Variants in PCSK5 observed in about 807,000 individuals in gnomAD.
PCSK5 encodes prohormone convertase 5.
Under a neutral mutation model 233.2 loss-of-function variants are expected in PCSK5, and 129 were observed. The observed-to-expected ratio is 0.55, with a 90% confidence interval of 0.48 to 0.64. The LOEUF is 0.64. Ranked by LOEUF, PCSK5 falls within the 30% of genes least tolerant of loss-of-function variation. The pLI, the probability that PCSK5 is intolerant of heterozygous loss-of-function variation, is 0.00. For synonymous variants in PCSK5, 825 were observed against 879.2 expected, an observed-to-expected ratio of 0.94 and a Z score of 1.09; for missense variants, 2,076 against 2,430.1, an observed-to-expected ratio of 0.85 and a Z score of 3.06.
chr9:75,939,189 A>G (rs1824191390), intron 2 of PCSK5, among the ~76,000 whole-genome samples: 2 of 152,200 alleles, frequency 1.3e-5, no homozygotes, highest in South Asian at 4.1e-4. Context: ...GCCTTGAGTC[A>G]CACATATAAT....
At chr9:75,941,364 G>T (rs1384923017) in intron 2 of PCSK5, among the ~76,000 whole-genome samples, 1 of 151,976 alleles carries the variant, frequency 6.6e-6, no homozygotes, top group Non-Finnish European at 1.5e-5. Flanking sequence ...GTTTTCTTCG[G>T]GTACGTACCT....
chr9:76,173,257 T>C (rs1263983878), intron 13 of PCSK5, among the ~76,000 whole-genome samples: 2 of 152,136 alleles, frequency 1.3e-5, no homozygotes, highest in African/African-American at 4.8e-5. Context: ...TTGTTGGTGA[T>C]GGTAGGTGCT....
intron 24 of PCSK5, among the ~76,000 whole-genome samples, chr9:76,269,337 AGTG>A (rs1398592327): frequency 3.3e-5 from 5 of 152,214 alleles, no homozygotes; most frequent in African/African-American, 1.2e-4. Context: ...ATCCAATCTA[AGTG>A]TTCAGGGGAG....
At chr9:76,257,158 A>C (rs1827009275) in intron 24 of PCSK5, among the ~76,000 whole-genome samples, 1 of 152,148 alleles carries the variant, frequency 6.6e-6, no homozygotes, top group Admixed American at 6.5e-5. Context: ...GTCAACAGGG[A>C]GGCACTCAGT....
rs535676214 is a variant in PCSK5, at chr9:76,051,958, A to G, written c.633-15997A>G. Among the ~76,000 whole-genome samples the G allele has an allele frequency of 1.8e-4, 28 of 152,316 alleles. 1 individual carries two copies. Among genetic ancestry groups the G allele is most frequent in the African/African-American group, 6.7e-4 (28 of 41,566 alleles). ...CTAATAGACCCAATGCAGAAGGAAA[A>G]TCATCATGGCATAACTAGGGGCTGC... On this transcript the variant is annotated intron_variant, in intron 5 of 37. Transcript: ENST00000674117.
intron 2 of PCSK5, among the ~76,000 whole-genome samples, chr9:75,938,854 A>G (rs1824176623): frequency 6.6e-6 from 1 of 152,146 alleles, no homozygotes; most frequent in African/African-American, 2.4e-5. Context: ...TTTGTGTGCC[A>G]GAGTGGGGGT....
chr9:76,047,773 A>G (rs1829474902), intron 5 of PCSK5, among the ~76,000 whole-genome samples: 1 of 152,244 alleles, frequency 6.6e-6, no homozygotes, highest in Non-Finnish European at 1.5e-5. Context: ...TGTTATAAAC[A>G]TCGCAAATGG....
intron 3 of PCSK5, among the ~76,000 whole-genome samples, chr9:76,010,538 G>A (rs1318984933): frequency 6.6e-6 from 1 of 152,178 alleles, no homozygotes; most frequent in African/African-American, 2.4e-5. Context: ...GGAAAGGGCT[G>A]CATTTTTCTG....
chr9:76,221,602 C>T (rs895805068), intron 20 of PCSK5, among the ~76,000 whole-genome samples: 6 of 152,200 alleles, frequency 3.9e-5, no homozygotes, highest in Non-Finnish European at 8.8e-5. Flanking sequence ...ATTGCTACAT[C>T]ACTACTACAT....
intron 13 of PCSK5, among the ~76,000 whole-genome samples, chr9:76,174,432 A>C (rs536416953): frequency 1.3e-5 from 2 of 151,056 alleles, no homozygotes; most frequent in African/African-American, 4.9e-5. Flanking sequence ...TCAGCCCCCC[A>C]AGTAGCTGGG....
At position 76,235,991 on chromosome 9, in the gene PCSK5, T is replaced by C. The variant is rs1356830517; in HGVS notation, c.2866+2395T>C. On this transcript the variant is annotated intron_variant, in intron 22 of 37. Transcript: ENST00000674117. ...ACCTTCATAAGCCCCTCCTACCAAT[T>C]TGTAGAGATTGCATCCCTTGTTTAA... 1.3e-5 allele frequency among the ~76,000 whole-genome samples: 2 copies of C among 152,188 alleles called. 1 individual carries two copies. Among genetic ancestry groups the C allele is most frequent in the South Asian group, 4.1e-4 (2 of 4,834 alleles).
chr9:76,018,311 C>T (rs576984234), intron 3 of PCSK5, among the ~76,000 whole-genome samples: 1 of 152,266 alleles, frequency 6.6e-6, no homozygotes, highest in African/African-American at 2.4e-5. Flanking sequence ...CACATAAGGG[C>T]TGTTTTTTAA....
Position 76,105,640 on chromosome 9 carries a change from A to T in PCSK5, c.1108-1611A>T, listed in dbSNP as rs1831947098. Among the ~76,000 whole-genome samples, 3 of 152,234 alleles carry T rather than the reference A, an allele frequency of 2.0e-5. No individual in the cohort carries two copies. In the South Asian group the frequency reaches 6.2e-4, roughly 31 times the overall value. ...CTATTTACCCAAACATCCTGCAAGCATCACATGTCGAGGTTCAGTAGATGG... is the reference window on the plus strand; with the variant it reads ...CTATTTACCCAAACATCCTGCAAGCTTCACATGTCGAGGTTCAGTAGATGG... On this transcript the variant is annotated intron_variant, in intron 8 of 37. Coordinates refer to ENST00000674117, the MANE Select transcript of PCSK5 (RefSeq NM_001372043.1).
At chr9:76,047,686 G>T (rs528918249) in intron 5 of PCSK5, among the ~76,000 whole-genome samples, 4 of 152,220 alleles carry the variant, frequency 2.6e-5, no homozygotes, top group Admixed American at 2.0e-4. Flanking sequence ...GTGTAGGAGG[G>T]ACTCATTAAT....
At chr9:76,046,559 C>CTTTTTTTTTTTTTTTTTTTTTTT (rs553542037) in intron 5 of PCSK5, among the ~76,000 whole-genome samples, 1 of 104,804 alleles carries the variant, frequency 9.5e-6, no homozygotes, top group Non-Finnish European at 1.9e-5. Context: ...CTTTCTTTTT[C>CTTTTTTTTTTTTTTTTTTTTTTT]TTTTTTTTTT....
intron 14 of PCSK5, among the ~76,000 whole-genome samples, chr9:76,176,769 T>A (rs1242313743): frequency 6.6e-6 from 1 of 152,210 alleles, no homozygotes; most frequent in Non-Finnish European, 1.5e-5. Flanking sequence ...TTGTATTTAT[T>A]TTATATGGCC....
At chr9:76,169,618 TA>T in intron 12 of PCSK5, 85 bp from the exon 13 acceptor site, 1 of 1,350,800 alleles carries the variant, frequency 7.4e-7, no homozygotes, top group Non-Finnish European at 1.0e-6. Context: ...TGCTAATGGA[TA>T]CAAAAAACAG....
intron 3 of PCSK5, among the ~76,000 whole-genome samples, chr9:75,998,738 ACGTCTC>A (rs1444887525): frequency 6.6e-6 from 1 of 152,158 alleles, no homozygotes; most frequent in Non-Finnish European, 1.5e-5. Context: ...ATGAACATCC[ACGTCTC>A]CATTACCAAC....
At chr9:75,937,986 C>G (rs1463500411) in intron 2 of PCSK5, among the ~76,000 whole-genome samples, 1 of 152,198 alleles carries the variant, frequency 6.6e-6, no homozygotes, top group African/African-American at 2.4e-5. Context: ...ACCACAAAAA[C>G]TTTCTCCCTA....
Sources: allele counts gnomAD v4.1 joint callset (sites outside exome capture counted in the v4.1 genomes callset), GRCh38; gene constraint gnomAD v4.1.1; transcripts MANE v1.5; gene names NCBI Gene and HGNC (gene_info 2026-07-23, HGNC 2026-07-21).